Variants in SNIP1 observed in about 807,000 individuals in gnomAD.
SNIP1 encodes Smad nuclear interacting protein 1.
Under a neutral mutation model 37.4 loss-of-function variants are expected in SNIP1, and 23 were observed. That is an observed-to-expected ratio of 0.61 (90% CI 0.44 to 0.87). The LOEUF (loss-of-function observed/expected upper bound fraction) is 0.87. Ranked by LOEUF, SNIP1 falls within the 40% of genes least tolerant of loss-of-function variation. The pLI is 0.00. For synonymous variants in SNIP1, 174 were observed against 200.0 expected (o/e 0.87, Z 1.10); for missense variants, 459 against 540.4 (o/e 0.85, Z 1.49).
intron 2 of SNIP1, chr1:37,545,152 G>C: frequency 1.4e-6 from 1 of 722,458 alleles, no homozygotes; most frequent in South Asian, 1.4e-5. Context: ...TGACTTCACT[G>C]AAACACATTA....
At chr1:37,548,203 T>C (rs1221607797) in intron 2 of SNIP1, among the ~76,000 whole-genome samples, 1 of 150,682 alleles carries the variant, frequency 6.6e-6, no homozygotes, top group Non-Finnish European at 1.5e-5. Flanking sequence ...AAGTTCCTTA[T>C]ATAAAAATCT....
intron 2 of SNIP1, among the ~76,000 whole-genome samples, chr1:37,546,046 CCAAA>C (rs540874362): frequency 2.4e-4 from 36 of 151,988 alleles, no homozygotes; most frequent in African/African-American, 8.7e-4. Context: ...TCTGGATATC[CCAAA>C]CAAATGAAAG....
At chr1:37,543,738 G>GT (rs1232219137) in intron 2 of SNIP1, among the ~76,000 whole-genome samples, 1 of 148,192 alleles carries the variant, frequency 6.7e-6, no homozygotes, top group African/African-American at 2.5e-5. Flanking sequence ...CCAAAGGGGG[G>GT]TAAAAAAAAA....
rs1443754673 is a variant in SNIP1, at chr1:37,537,916, GTTGT to G, written c.1019_1022del (p.Asn340ThrfsTer12). The G allele has an allele frequency of 6.2e-7, 1 of 1,614,156 alleles. No homozygotes were observed. The highest frequency in any genetic ancestry group is 8.5e-7 in the Non-Finnish European group (1 of 1,180,040). On this transcript the variant is annotated frameshift_variant, in exon 4 of 4. Coordinates refer to ENST00000296215, the MANE Select transcript of SNIP1 (RefSeq NM_024700.4). LOFTEE classifies it high-confidence loss of function. ...AGTATCTCTGTGGCTCAATACGTTTGTTGTTTAAGAAGGTTCCATTGCCTGAGCC... is the reference window on the plus strand; with the variant it reads ...AGTATCTCTGTGGCTCAATACGTTTGTTAAGAAGGTTCCATTGCCTGAGCC...
In SNIP1 at chr1:37,544,721, GCGCCGTGCAGCCAC is replaced by G. The variant is rs1212118604; in HGVS notation, c.328-3980_328-3967del. 3.2e-5 allele frequency: 20 copies of G among 626,710 alleles called. 1 individual carries two copies. Among genetic ancestry groups the G allele is most frequent in the East Asian group, 6.2e-5 (2 of 32,422 alleles). 38.8% of individuals were successfully genotyped at this position (626,710 alleles called of 1,614,324 possible). A position where few individuals can be genotyped will look rare whatever the true frequency, so the allele number is the denominator to read the frequency against. On this transcript the variant is annotated intron_variant, in intron 2 of 3. Transcript: ENST00000296215. ...TCCCAAGGCCCCCGCCGCCACTCCA[GCGCCGTGCAGCCAC>G]CGCCGCACAGCCACCGTGGCCACCA...
intron 2 of SNIP1, 123 bp downstream of exon 2, chr1:37,552,522 A>C: frequency 1.2e-5 from 9 of 750,604 alleles, no homozygotes; most frequent in Non-Finnish European, 1.8e-5. Context: ...AGGTACAAGT[A>C]GAGATGTAGG....
chr1:37,549,735 A>C (rs1024886081), intron 2 of SNIP1, among the ~76,000 whole-genome samples: 1 of 152,212 alleles, frequency 6.6e-6, no homozygotes, highest in Non-Finnish European at 1.5e-5. Context: ...AATAGAGGCA[A>C]GATTGTTCTA....
Position 37,537,514 on chromosome 1 carries a change from G to A in SNIP1, c.*234C>T. 1 of 504,786 alleles carries A rather than the reference G, an allele frequency of 2.0e-6. No individual in the cohort carries two copies. Among genetic ancestry groups the A allele is most frequent in the Non-Finnish European group, 3.5e-6 (1 of 286,298 alleles). 31.3% of individuals were successfully genotyped at this position (504,786 alleles called of 1,614,324 possible). A position where few individuals can be genotyped will look rare whatever the true frequency, so the allele number is the denominator to read the frequency against. On this transcript the variant is annotated 3_prime_UTR_variant, in exon 4 of 4. Coordinates refer to ENST00000296215, the MANE Select transcript of SNIP1 (RefSeq NM_024700.4). ...GTGTTGTAATTGGTGAGACTGTTCTGAAAACAAATGCCTGCAGGCATGTGG... is the reference window on the plus strand; with the variant it reads ...GTGTTGTAATTGGTGAGACTGTTCTAAAAACAAATGCCTGCAGGCATGTGG...
chr1:37,538,485 GGC>G (rs1643126393), intron 3 of SNIP1, among the ~76,000 whole-genome samples: 1 of 144,248 alleles, frequency 6.9e-6, no homozygotes, highest in Non-Finnish European at 1.5e-5. Flanking sequence ...CTCCAGCCTG[GGC>G]AACAGAGCGA....
intron 2 of SNIP1, among the ~76,000 whole-genome samples, chr1:37,545,947 G>T (rs1053712233): frequency 6.6e-6 from 1 of 152,188 alleles, no homozygotes; most frequent in Non-Finnish European, 1.5e-5. Context: ...TGGTGGGAAT[G>T]TAAAATGGTA....
chr1:37,552,804 T>C, intron 1 of SNIP1, 57 bp from the exon 2 acceptor site: 2 of 1,405,268 alleles, frequency 1.4e-6, no homozygotes, highest in Non-Finnish European at 2.0e-6. Flanking sequence ...CCATAAAAAT[T>C]AGCTTCCAGT....
At position 37,540,265 on chromosome 1, in the gene SNIP1, A is replaced by T; in HGVS notation, c.818T>A (p.Met273Lys). ...PFKNDEVLPV[M>K]YIHRQSAYLL... Reference sequence around the variant, plus strand: ...GTACGCACTCTGTCGATGTATGTACATGACTGGAAGCACCTCATCATTTTT... The same window carrying T: ...GTACGCACTCTGTCGATGTATGTACTTGACTGGAAGCACCTCATCATTTTT... The change falls in exon 3 of 4, where the codon ATG (methionine) becomes AAG (lysine). Residue 273 changes from methionine to lysine, a missense_variant. Coordinates refer to ENST00000296215, the MANE Select transcript of SNIP1 (RefSeq NM_024700.4). The surrounding 1 kb of genome is among the most constrained non-coding windows in gnomAD (Gnocchi z 5.6). The T allele has an allele frequency of 6.2e-7, 1 of 1,614,182 alleles. No individual in the cohort carries two copies. Among genetic ancestry groups the T allele is most frequent in the East Asian group, 2.2e-5 (1 of 44,880 alleles).
In SNIP1 at chr1:37,552,609, C is replaced by T. The variant is rs753806887; in HGVS notation, c.327+36G>A. On this transcript the variant is annotated intron_variant, in intron 2 of 3. Transcript: ENST00000296215. ...TTTAGCTGTGATAGGAAAAGGCTCTCAATTTGGACCCATCAAAACACCCCA... is the reference window on the plus strand; with the variant it reads ...TTTAGCTGTGATAGGAAAAGGCTCTTAATTTGGACCCATCAAAACACCCCA... 5.2e-6 allele frequency: 8 copies of T among 1,533,618 alleles called. 1 individual carries two copies. In the South Asian group the frequency reaches 8.9e-5, roughly 17 times the overall value.
At position 37,534,831 on chromosome 1, in the gene SNIP1, T is replaced by C. The variant is rs1643066145; in HGVS notation, c.*2917A>G. On this transcript the variant is annotated 3_prime_UTR_variant, in exon 4 of 4. Transcript: ENST00000296215. The stretch of plus-strand genomic sequence containing the variant: ...AGGGGCTCAGAAGCAAAGGGCTGTT[T>C]TGAAAATAGTTTGATTTTGACACAA... The C allele has an allele frequency of 6.6e-6, 1 of 152,074 alleles. No individual in the cohort carries two copies. The highest frequency in any genetic ancestry group is 2.4e-5 in the African/African-American group (1 of 41,390). The allele number at this position is 152,074 out of a possible 1,614,324, so 9.4% of individuals were successfully genotyped here. A position where few individuals can be genotyped will look rare whatever the true frequency, so the allele number is the denominator to read the frequency against.
At chr1:37,542,776 A>G (rs1024328913) in intron 2 of SNIP1, among the ~76,000 whole-genome samples, 2 of 152,094 alleles carry the variant, frequency 1.3e-5, no homozygotes, top group African/African-American at 4.8e-5. Flanking sequence ...AACAATTTTC[A>G]GAAGAAATAA....
rs1393511289 is a variant in SNIP1 at position 37,537,674 on chromosome 1, C to G, written c.*74G>C. Reference sequence around the variant, plus strand: ...GAGCACCATAGTGCTGGACCCACCACCATAGTGCTCTCTGAGTCAATCAAA... The same window carrying G: ...GAGCACCATAGTGCTGGACCCACCAGCATAGTGCTCTCTGAGTCAATCAAA... On this transcript the variant is annotated 3_prime_UTR_variant, in exon 4 of 4. Coordinates refer to ENST00000296215, the MANE Select transcript of SNIP1 (RefSeq NM_024700.4). 5 of 1,526,486 alleles carry G rather than the reference C, an allele frequency of 3.3e-6. No individual in the cohort carries two copies. Among genetic ancestry groups the G allele is most frequent in the Non-Finnish European group, 4.5e-6 (5 of 1,123,068 alleles). The allele number at this position is 1,526,486 out of a possible 1,614,324, so 94.6% of individuals were successfully genotyped here. A position where few individuals can be genotyped will look rare whatever the true frequency, so the allele number is the denominator to read the frequency against.
At position 37,535,237 on chromosome 1, in the gene SNIP1, T is replaced by TATATATATATATATATATATATAA. The variant is rs1246812606; in HGVS notation, c.*2510_*2511insTTATATATATATATATATATATAT. 1.1e-5 allele frequency: 1 copy of TATATATATATATATATATATATAA among 91,324 alleles called. No homozygotes were observed. Among genetic ancestry groups the TATATATATATATATATATATATAA allele is most frequent in the African/African-American group, 4.0e-5 (1 of 24,866 alleles). 5.7% of individuals were successfully genotyped at this position (91,324 alleles called of 1,614,324 possible). A position where few individuals can be genotyped will look rare whatever the true frequency, so the allele number is the denominator to read the frequency against. ...AAAAATAAAAAATAAAAATTATATA[T>TATATATATATATATATATATATAA]ATAAATTAGCCAGGCTTGGTGACAG... On this transcript the variant is annotated 3_prime_UTR_variant, in exon 4 of 4. Transcript: ENST00000296215.
At position 37,537,022 on chromosome 1, in the gene SNIP1, T is replaced by C. The variant is rs188122754; in HGVS notation, c.*726A>G. 7.2e-5 allele frequency: 11 copies of C among 152,376 alleles called. No individual in the cohort carries two copies. The highest frequency in any genetic ancestry group is 7.2e-4 in the Admixed American group (11 of 15,300). The allele number at this position is 152,376 out of a possible 1,614,324, so 9.4% of individuals were successfully genotyped here. A position where few individuals can be genotyped will look rare whatever the true frequency, so the allele number is the denominator to read the frequency against. ...ACATGCTCCATGGAGAAATCAGGAA[T>C]TCTTTCACAAAGAACAGATCCACAG... On this transcript the variant is annotated 3_prime_UTR_variant, in exon 4 of 4. Transcript: ENST00000296215.
intron 2 of SNIP1, among the ~76,000 whole-genome samples, chr1:37,552,309 G>C (rs1233770178): frequency 6.6e-6 from 1 of 152,114 alleles, no homozygotes; most frequent in Non-Finnish European, 1.5e-5. Context: ...TGACTATATC[G>C]ATGTCAATAT....
Sources: allele counts gnomAD v4.1 joint callset (sites outside exome capture counted in the v4.1 genomes callset), GRCh38; gene constraint gnomAD v4.1.1; non-coding constraint Gnocchi (gnomAD v3.1); transcripts MANE v1.5; gene names NCBI Gene and HGNC (gene_info 2026-07-23, HGNC 2026-07-21).